HCN1: variants seen among roughly 807,000 people sequenced by gnomAD.
HCN1 encodes potassium/sodium hyperpolarization-activated cyclic nucleotide-gated channel 1.
In HCN1, 13 loss-of-function variants were observed where a neutral mutation model predicts 78.9. The observed-to-expected ratio is 0.16, with a 90% CI of 0.11 to 0.26. The LOEUF is 0.26. Among genes scored for constraint, HCN1 ranks in the 10% least tolerant of loss-of-function variants. The probability of loss-of-function intolerance (pLI) is 1.00; values close to 1 mark genes in which losing one functional copy is unlikely to be tolerated. For synonymous variants in HCN1, 552 were observed against 455.5 expected, an observed-to-expected ratio of 1.21 and a Z score of -2.70; for missense variants, 810 against 1,154.3, an observed-to-expected ratio of 0.70 and a Z score of 4.32.
intron 6 of HCN1, among the ~76,000 whole-genome samples, chr5:45,271,821 T>C (rs547117160): frequency 1.3e-5 from 2 of 152,228 alleles, no homozygotes; most frequent in South Asian, 2.1e-4. Flanking sequence ...GGGCTAAATA[T>C]AGACTTGCAC....
intron 3 of HCN1, among the ~76,000 whole-genome samples, chr5:45,417,743 T>A (rs540770684): frequency 1.3e-3 from 133 of 105,014 alleles, no homozygotes; most frequent in Admixed American, 2.2e-3. Context: ...CTCATTAGTG[T>A]AGAGAGACAA....
intron 2 of HCN1, among the ~76,000 whole-genome samples, chr5:45,585,084 A>G (rs895889485): frequency 6.6e-6 from 1 of 152,098 alleles, no homozygotes; most frequent in African/African-American, 2.4e-5. Context: ...CTGCCTTGCT[A>G]TGTTGCGGAA....
chr5:45,324,560 A>G (rs577357179), intron 5 of HCN1, among the ~76,000 whole-genome samples: 1 of 152,024 alleles, frequency 6.6e-6, no homozygotes, highest in African/African-American at 2.4e-5. Context: ...GTGGGACTGT[A>G]AACTAGTTCA....
intron 2 of HCN1, among the ~76,000 whole-genome samples, chr5:45,496,123 G>A (rs902851000): frequency 7.2e-5 from 11 of 152,220 alleles, no homozygotes; most frequent in African/African-American, 2.4e-4. Flanking sequence ...CATAAAATGA[G>A]TTAGGGAGGA....
intron 5 of HCN1, among the ~76,000 whole-genome samples, chr5:45,331,926 A>G (rs1047440475): frequency 1.3e-5 from 2 of 151,562 alleles, no homozygotes; most frequent in African/African-American, 2.4e-5. Context: ...ATCAAATGAT[A>G]TTAGATATCT....
intron 3 of HCN1, among the ~76,000 whole-genome samples, chr5:45,438,482 T>C (rs1488464598): frequency 2.6e-5 from 4 of 151,172 alleles, no homozygotes; most frequent in South Asian, 4.2e-4. Context: ...TCCCAGCTAC[T>C]TGGGGGGCTG....
At chr5:45,495,903 T>C (rs998632871) in intron 2 of HCN1, among the ~76,000 whole-genome samples, 2 of 152,218 alleles carry the variant, frequency 1.3e-5, no homozygotes, top group African/African-American at 4.8e-5. Context: ...TGGATTACAT[T>C]TATTGATTTG....
chr5:45,528,857 C>A (rs1265375944), intron 2 of HCN1, among the ~76,000 whole-genome samples: 1 of 151,808 alleles, frequency 6.6e-6, no homozygotes, highest in Non-Finnish European at 1.5e-5. Context: ...AAAGGCAAAT[C>A]TAATTGGCAA....
At chr5:45,457,966 A>G (rs1741061090) in intron 3 of HCN1, among the ~76,000 whole-genome samples, 1 of 152,174 alleles carries the variant, frequency 6.6e-6, no homozygotes, top group Non-Finnish European at 1.5e-5. Context: ...ATACATTTAA[A>G]CCATAGCACC....
At position 45,460,913 on chromosome 5, in the gene HCN1, G is replaced by A. The variant is rs537781835; in HGVS notation, c.1011+933C>T. 7.9e-5 allele frequency among the ~76,000 whole-genome samples: 12 copies of A among 151,332 alleles called. No individual in the cohort carries two copies. In the South Asian group the frequency reaches 2.5e-3, roughly 32 times the overall value. On this transcript the variant is annotated intron_variant, in intron 3 of 7. Transcript: ENST00000303230. ...CAACAAATCAATAGTAGAACAGTTT[G>A]AGAAAAGACAGTATTTGATTTATAC...
In HCN1 at chr5:45,666,728, C is replaced by G. The variant is rs532686663; in HGVS notation, c.426-21120G>C. Reference sequence around the variant, plus strand: ...TTATATCACCATTGTCTATCTAACACAGTGTATGCAACTACAGTGAACTCC... The same window carrying G: ...TTATATCACCATTGTCTATCTAACAGAGTGTATGCAACTACAGTGAACTCC... On this transcript the variant is annotated intron_variant, in intron 1 of 7. Transcript: ENST00000303230. Among the ~76,000 whole-genome samples the G allele has an allele frequency of 3.9e-5, 6 of 152,038 alleles. No homozygotes were observed. The South Asian group carries it at 1.0e-3, about 26-fold the overall frequency.
chr5:45,633,419 T>C (rs951052855), intron 2 of HCN1, among the ~76,000 whole-genome samples: 1 of 152,110 alleles, frequency 6.6e-6, no homozygotes, highest in African/African-American at 2.4e-5. Context: ...AACATCACTA[T>C]TCCCCACTCC....
At chr5:45,476,001 T>C (rs1394293352) in intron 2 of HCN1, among the ~76,000 whole-genome samples, 1 of 152,162 alleles carries the variant, frequency 6.6e-6, no homozygotes, top group East Asian at 1.9e-4. Flanking sequence ...TAGCATTACA[T>C]TTTAAATGAA....
At chr5:45,475,901 A>T (rs143127512) in intron 2 of HCN1, among the ~76,000 whole-genome samples, 119 of 152,288 alleles carry the variant, frequency 7.8e-4, no homozygotes, top group Middle Eastern at 3.4e-3. Flanking sequence ...GTCTCTTCAA[A>T]AAGAATCAGC....
At chr5:45,439,733 T>C (rs1432133033) in intron 3 of HCN1, among the ~76,000 whole-genome samples, 2 of 152,056 alleles carry the variant, frequency 1.3e-5, no homozygotes, top group Non-Finnish European at 1.5e-5. Context: ...ATTATTTTTA[T>C]AATTGTAGTA....
intron 2 of HCN1, among the ~76,000 whole-genome samples, chr5:45,540,105 GTTCA>G (rs1463172862): frequency 6.6e-6 from 1 of 151,306 alleles, no homozygotes; most frequent in African/African-American, 2.4e-5. Context: ...CTCTTTTGTT[GTTCA>G]TTCAGATAGA....
intron 4 of HCN1, among the ~76,000 whole-genome samples, chr5:45,358,730 C>A: frequency 6.6e-6 from 1 of 152,098 alleles, no homozygotes; most frequent in East Asian, 1.9e-4. Context: ...AATAGCCCTA[C>A]AAAGGTGCCT....
chr5:45,311,821 G>C (rs912929322), intron 5 of HCN1, among the ~76,000 whole-genome samples: 1 of 152,182 alleles, frequency 6.6e-6, no homozygotes, highest in Non-Finnish European at 1.5e-5. Flanking sequence ...GAGTACACTG[G>C]TCGCCTTGGA....
intron 5 of HCN1, among the ~76,000 whole-genome samples, chr5:45,313,682 G>A (rs923677867): frequency 6.6e-6 from 1 of 152,158 alleles, no homozygotes; most frequent in Admixed American, 6.5e-5. Context: ...ATGACCTGAT[G>A]GAGCTGAAAA....
Sources: allele counts gnomAD v4.1 joint callset (sites outside exome capture counted in the v4.1 genomes callset), GRCh38; gene constraint gnomAD v4.1.1; transcripts MANE v1.5; gene names NCBI Gene and HGNC (gene_info 2026-07-23, HGNC 2026-07-21).